Variants in GNE observed in about 807,000 individuals in gnomAD.
The protein encoded by GNE is glucosamine (UDP-N-acetyl)-2-epimerase/N-acetylmannosamine kinase, also known as bifunctional UDP-N-acetylglucosamine 2-epimerase/N-acetylmannosamine kinase.
Under a neutral mutation model 61.8 loss-of-function variants are expected in GNE, and 41 were observed. The ratio of observed to expected loss-of-function variants is 0.66; its 90% CI spans 0.52 to 0.86. The LOEUF is 0.86. Among genes scored for constraint, GNE ranks in the 40% least tolerant of loss-of-function variants. The pLI is 0.00. For synonymous variants in GNE, 264 were observed against 326.4 expected (o/e 0.81, Z 2.06); for missense variants, 608 against 909.1 (o/e 0.67, Z 4.26).
chr9:36,248,948 C>T lies in GNE; in HGVS notation c.164+244G>A, dbSNP rs766861144. Among the ~76,000 whole-genome samples, 8 of 152,150 alleles carry T rather than the reference C, an allele frequency of 5.3e-5. 1 individual carries two copies. Among genetic ancestry groups the T allele is most frequent in the African/African-American group, 9.7e-5 (4 of 41,416 alleles). On this transcript the variant is annotated intron_variant, in intron 2 of 11. Transcript: ENST00000642385. ...TACCATTTATCAATCATCTACTAAG[C>T]GGCATCATTGTGATGGATGCTCTAT...
At chr9:36,248,828 A>G (rs4878646) in intron 2 of GNE, among the ~76,000 whole-genome samples, 75,937 of 152,016 alleles carry the variant, frequency 0.5, 20,121 homozygotes, top group Non-Finnish European at 0.6. Context: ...AACAGTTTAC[A>G]TGGAATCACA....
At chr9:36,253,381 T>C (rs1461671132) in intron 1 of GNE, among the ~76,000 whole-genome samples, 2 of 151,446 alleles carry the variant, frequency 1.3e-5, no homozygotes, top group Non-Finnish European at 2.9e-5. Context: ...GTTCAAGAGA[T>C]TCTTGTGCCT....
intron 1 of GNE, among the ~76,000 whole-genome samples, chr9:36,264,182 G>A: frequency 6.6e-6 from 1 of 151,844 alleles, no homozygotes; most frequent in East Asian, 1.9e-4. Flanking sequence ...ACCCAGGCTT[G>A]AGTGCAGTGG....
In GNE at chr9:36,221,056, C is replaced by T. The variant is rs534910261; in HGVS notation, c.1634-1036G>A. Reference sequence around the variant, plus strand: ...TGAGCTTAGGCTGGGTGTGGTGGCTCACCCCTGTAATCCCAGCACTTTGGG... The same window carrying T: ...TGAGCTTAGGCTGGGTGTGGTGGCTTACCCCTGTAATCCCAGCACTTTGGG... On this transcript the variant is annotated intron_variant, in intron 9 of 11. Transcript: ENST00000642385. 4.6e-5 allele frequency among the ~76,000 whole-genome samples: 7 copies of T among 152,346 alleles called. No homozygotes were observed. The East Asian group carries it at 9.6e-4, about 21-fold the overall frequency.
Position 36,217,072 on chromosome 9 carries a change from G to A in GNE, c.*293C>T. ...ACATTAGTAAGCAGAGTTCTAAGAA[G>A]GCTTCCTCTCTATTATTGTAGCTGC... On this transcript the variant is annotated 3_prime_UTR_variant, in exon 12 of 12. Coordinates refer to ENST00000642385, the MANE Select transcript of GNE (RefSeq NM_005476.7). 2.2e-6 allele frequency: 1 copy of A among 449,060 alleles called. No individual in the cohort carries two copies. Among genetic ancestry groups the A allele is most frequent in the Non-Finnish European group, 4.1e-6 (1 of 242,318 alleles). The allele number at this position is 449,060 out of a possible 1,614,324, so 27.8% of individuals were successfully genotyped here.
intron 7 of GNE, among the ~76,000 whole-genome samples, chr9:36,226,661 T>C (rs1352597699): frequency 1.3e-5 from 2 of 152,222 alleles, no homozygotes; most frequent in Admixed American, 1.3e-4. Flanking sequence ...ACTCACACTA[T>C]TTCAAACCAA....
In GNE at chr9:36,215,701, TTAATAA is replaced by T. The variant is rs1828242973; in HGVS notation, c.*1658_*1663del. Reference sequence around the variant, plus strand: ...TCAGAGCCTGGCACACAGTAGGCACTTAATAAGTGGTGGCAGTTAGTATTTCTTCCA... The same window carrying T: ...TCAGAGCCTGGCACACAGTAGGCACTGTGGTGGCAGTTAGTATTTCTTCCA... On this transcript the variant is annotated 3_prime_UTR_variant, in exon 12 of 12. Transcript: ENST00000642385. 1 of 152,478 alleles carries T rather than the reference TTAATAA, an allele frequency of 6.6e-6. No homozygotes were observed. The highest frequency in any genetic ancestry group is 2.4e-5 in the African/African-American group (1 of 41,464). 9.4% of individuals were successfully genotyped at this position (152,478 alleles called of 1,614,324 possible).
rs528538484 is a variant in GNE, at chr9:36,215,391, T to A, written c.*1974A>T. 6.6e-6 allele frequency: 1 copy of A among 152,312 alleles called. No homozygotes were observed. Among genetic ancestry groups the A allele is most frequent in the Admixed American group, 6.5e-5 (1 of 15,300 alleles). 9.4% of individuals were successfully genotyped at this position (152,312 alleles called of 1,614,324 possible). A position where few individuals can be genotyped will look rare whatever the true frequency, so the allele number is the denominator to read the frequency against. On this transcript the variant is annotated 3_prime_UTR_variant, in exon 12 of 12. Transcript: ENST00000642385. ...CAGCAGAGAGGAATATTTCATTAAA[T>A]TCAGCTGATAGGGTCAAGGATACAT...
chr9:36,262,166 T>C (rs2133177630), upstream of GNE, among the ~76,000 whole-genome samples: 1 of 152,226 alleles, frequency 6.6e-6, no homozygotes, highest in African/African-American at 2.4e-5. Flanking sequence ...CTGTAATGTG[T>C]TTTAAAAATA....
At chr9:36,224,901 A>G (rs2133033552) in intron 7 of GNE, among the ~76,000 whole-genome samples, 1 of 152,302 alleles carries the variant, frequency 6.6e-6, no homozygotes, top group East Asian at 1.9e-4. Flanking sequence ...GTGCTTTTTG[A>G]TATGTTTTAA....
chr9:36,222,146 C>T (rs7848527), intron 9 of GNE, among the ~76,000 whole-genome samples: 2,942 of 152,166 alleles, frequency 0.019, 99 homozygotes, highest in African/African-American at 0.067. Context: ...CGGCCGGGCG[C>T]GGTGGCTCAC....
chr9:36,231,081 A>AAAG (rs1554660478), intron 5 of GNE, among the ~76,000 whole-genome samples: 3,450 of 140,504 alleles, frequency 0.025, 161 homozygotes, highest in African/African-American at 0.089. Flanking sequence ...AAAAAAAAAA[A>AAAG]AAAGAAAGAA....
chr9:36,260,069 A>G (rs905060112), upstream of GNE, among the ~76,000 whole-genome samples: 1 of 152,044 alleles, frequency 6.6e-6, no homozygotes, highest in Admixed American at 6.6e-5. Context: ...AGTAAAATTG[A>G]TGAGACTTAA....
At position 36,246,013 on chromosome 9, in the gene GNE, A is replaced by G. The variant is rs906334550; in HGVS notation, c.616+18T>C. 3.8e-6 allele frequency: 6 copies of G among 1,592,956 alleles called. No homozygotes were observed. The African/African-American group carries it at 5.4e-5, about 14-fold the overall frequency. On this transcript the variant is annotated intron_variant, in intron 3 of 11. Coordinates refer to ENST00000642385, the MANE Select transcript of GNE (RefSeq NM_005476.7). Reference sequence around the variant, plus strand: ...GACAAAAACAGCCATTAGACTGACTAAAGTCTGAGATACGTACCTAGCCAC... The same window carrying G: ...GACAAAAACAGCCATTAGACTGACTGAAGTCTGAGATACGTACCTAGCCAC...
At chr9:36,229,653 A>C (rs912291238) in intron 5 of GNE, among the ~76,000 whole-genome samples, 17 of 152,172 alleles carry the variant, frequency 1.1e-4, no homozygotes, top group Non-Finnish European at 2.4e-4. Flanking sequence ...TTTGTTTTTA[A>C]GATGTGAGAG....
intron 5 of GNE, among the ~76,000 whole-genome samples, chr9:36,229,522 A>G (rs1829044320): frequency 6.6e-6 from 1 of 152,140 alleles, no homozygotes; most frequent in Admixed American, 6.5e-5. Context: ...CCTGACCAAT[A>G]TGAGGGAGTA....
At chr9:36,269,190 T>C (rs1830923907) in intron 1 of GNE, among the ~76,000 whole-genome samples, 1 of 151,578 alleles carries the variant, frequency 6.6e-6, no homozygotes, top group Non-Finnish European at 1.5e-5. Context: ...TCTCCTCATG[T>C]TTTTCATGCC....
At position 36,236,878 on chromosome 9, in the gene GNE, G is replaced by T; in HGVS notation, c.723C>A (p.Ile241=). 6.2e-7 allele frequency: 1 copy of T among 1,613,548 alleles called. No individual in the cohort carries two copies. The highest frequency in any genetic ancestry group is 8.5e-7 in the Non-Finnish European group (1 of 1,179,466). ...KMFELTLDAL[I]SFNKRTLVLF... The stretch of plus-strand genomic sequence containing the variant: ...GGACTAGGGTCCGCTTGTTAAATGA[G>T]ATAAGTGCATCCAATGTTAATTCAA... Residue 241 remains isoleucine (I), a synonymous_variant, in exon 4 of 12, where the codon ATC becomes ATA. Transcript: ENST00000642385.
At chr9:36,229,271 A>C (rs1050808275) in intron 5 of GNE, among the ~76,000 whole-genome samples, 163 bp from the exon 6 acceptor site, 64 of 152,220 alleles carry the variant, frequency 4.2e-4, no homozygotes, top group African/African-American at 1.5e-3. Flanking sequence ...TATACCTTTT[A>C]AAGTACTCTT....
Sources: allele counts gnomAD v4.1 joint callset (sites outside exome capture counted in the v4.1 genomes callset), GRCh38; gene constraint gnomAD v4.1.1; transcripts MANE v1.5; gene names NCBI Gene and HGNC (gene_info 2026-07-23, HGNC 2026-07-21).